Variants in CCDC85A observed in about 807,000 individuals in gnomAD.
CCDC85A encodes coiled-coil domain containing 85A.
A neutral mutation model predicts 50.2 loss-of-function variants in CCDC85A; 38 were observed. The observed-to-expected ratio is 0.76, with a 90% CI of 0.58 to 0.99. The LOEUF (loss-of-function observed/expected upper bound fraction) is 0.99, where lower values mean the gene tolerates loss of function less well. Among genes scored for constraint, CCDC85A ranks in the 50% least tolerant of loss-of-function variants. The pLI is 0.00. For synonymous variants in CCDC85A, 366 were observed against 301.4 expected (o/e 1.21, Z -2.22); for missense variants, 820 against 742.0 (o/e 1.11, Z -1.22).
At chr2:56,284,777 C>T (rs779632756) in intron 2 of CCDC85A, among the ~76,000 whole-genome samples, 11 of 152,276 alleles carry the variant, frequency 7.2e-5, no homozygotes, top group East Asian at 3.9e-4. Flanking sequence ...TTCTTATGCA[C>T]ATAAGTATTT....
At chr2:56,213,194 T>A (rs1340323585) in intron 2 of CCDC85A, among the ~76,000 whole-genome samples, 1 of 151,990 alleles carries the variant, frequency 6.6e-6, no homozygotes, top group African/African-American at 2.4e-5. Context: ...GTGTCAGCTC[T>A]GACAGCTTTC....
Position 56,332,850 on chromosome 2 carries a change from G to A in CCDC85A, c.1241-10029G>A, listed in dbSNP as rs145037722. Among the ~76,000 whole-genome samples, 588 of 152,172 alleles carry A rather than the reference G, an allele frequency of 3.9e-3. 2 individuals carry two copies. The highest frequency in any genetic ancestry group is 9.2e-3 in the African/African-American group (382 of 41,510). On this transcript the variant is annotated intron_variant, in intron 2 of 5. Transcript: ENST00000407595. ...ATGTTCCATAGAGTGACTTTCAAAC[G>A]TCATTACAGAATTGGAATTAGGCCC... is the stretch of plus-strand genomic sequence containing the variant.
At chr2:56,382,381 G>C (rs1038443317) in intron 5 of CCDC85A, among the ~76,000 whole-genome samples, 8 of 150,856 alleles carry the variant, frequency 5.3e-5, no homozygotes, top group African/African-American at 2.0e-4. Flanking sequence ...ATTAGATGTT[G>C]TTGACATCTA....
intron 2 of CCDC85A, among the ~76,000 whole-genome samples, chr2:56,254,394 A>C (rs1402033314): frequency 6.6e-6 from 1 of 152,184 alleles, no homozygotes; most frequent in African/African-American, 2.4e-5. Context: ...ATCCTGAAAC[A>C]ATTAAATAGA....
chr2:56,257,575 G>A (rs1468388445), intron 2 of CCDC85A, among the ~76,000 whole-genome samples: 4 of 152,100 alleles, frequency 2.6e-5, no homozygotes, highest in African/African-American at 9.7e-5. Flanking sequence ...AAAACATCTG[G>A]GAGGAAGGTA....
At chr2:56,338,459 T>A (rs965771806) in intron 2 of CCDC85A, among the ~76,000 whole-genome samples, 62 of 152,134 alleles carry the variant, frequency 4.1e-4, no homozygotes, top group Admixed American at 2.0e-4. Context: ...GTGGTCAATG[T>A]GTTCCAGTAC....
At chr2:56,270,259 A>G (rs1670639918) in intron 2 of CCDC85A, among the ~76,000 whole-genome samples, 1 of 152,214 alleles carries the variant, frequency 6.6e-6, no homozygotes, top group Non-Finnish European at 1.5e-5. Context: ...AATTTAAAAA[A>G]TGTTATTTAT....
chr2:56,378,862 T>A (rs1279687762), intron 5 of CCDC85A, among the ~76,000 whole-genome samples: 2 of 152,210 alleles, frequency 1.3e-5, no homozygotes, highest in Admixed American at 1.3e-4. Flanking sequence ...TTGGTGTGGA[T>A]TCTATAGGAA....
At chr2:56,217,141 GTTTAAGT>G (rs575742836) in intron 2 of CCDC85A, among the ~76,000 whole-genome samples, 195 of 152,034 alleles carry the variant, frequency 1.3e-3, no homozygotes, top group Non-Finnish European at 2.4e-3. Context: ...GTAAAAAAAG[GTTTAAGT>G]TTTATCTATC....
intron 3 of CCDC85A, among the ~76,000 whole-genome samples, chr2:56,356,481 A>T (rs1040728963): frequency 1.3e-5 from 2 of 152,186 alleles, no homozygotes; most frequent in Admixed American, 1.3e-4. Flanking sequence ...ATTGAAAAAG[A>T]CTTTGGCTGT....
At chr2:56,242,578 C>G (rs1371160905) in intron 2 of CCDC85A, among the ~76,000 whole-genome samples, 1 of 152,130 alleles carries the variant, frequency 6.6e-6, no homozygotes, top group Non-Finnish European at 1.5e-5. Flanking sequence ...GGATCTGCCC[C>G]ATGAGCCAAA....
chr2:56,274,216 T>A (rs1314466580), intron 2 of CCDC85A, among the ~76,000 whole-genome samples: 1 of 152,174 alleles, frequency 6.6e-6, no homozygotes, highest in African/African-American at 2.4e-5. Flanking sequence ...TCTTTTATAC[T>A]GTTCTGCTTA....
intron 2 of CCDC85A, among the ~76,000 whole-genome samples, chr2:56,233,875 G>T (rs955249229): frequency 6.6e-6 from 1 of 152,084 alleles, no homozygotes; most frequent in Non-Finnish European, 1.5e-5. Flanking sequence ...GTTGAGTCCT[G>T]TTTTGCAGTC....
At chr2:56,325,217 A>G (rs1172425694) in intron 2 of CCDC85A, among the ~76,000 whole-genome samples, 1 of 152,096 alleles carries the variant, frequency 6.6e-6, no homozygotes, top group Non-Finnish European at 1.5e-5. Context: ...GCATGAATTT[A>G]AAATTTCCTT....
intron 2 of CCDC85A, among the ~76,000 whole-genome samples, chr2:56,251,191 AC>A (rs1669740086): frequency 6.6e-6 from 1 of 152,048 alleles, no homozygotes. Flanking sequence ...GTCGCTTTAG[AC>A]CTTTCTTAAG....
At chr2:56,190,733 C>T (rs978958666) in intron 1 of CCDC85A, among the ~76,000 whole-genome samples, 1 of 152,138 alleles carries the variant, frequency 6.6e-6, no homozygotes. Flanking sequence ...TCCACTGCTA[C>T]CACACGTCCA....
At chr2:56,204,138 T>G (rs964029502) in intron 2 of CCDC85A, among the ~76,000 whole-genome samples, 2 of 152,216 alleles carry the variant, frequency 1.3e-5, no homozygotes, top group African/African-American at 4.8e-5. Flanking sequence ...AATTGCCAAC[T>G]TTTTACTTCA....
At chr2:56,373,347 C>T (rs1290622070) in intron 4 of CCDC85A, among the ~76,000 whole-genome samples, 1 of 151,184 alleles carries the variant, frequency 6.6e-6, no homozygotes, top group Non-Finnish European at 1.5e-5. Context: ...TATTGTAGCC[C>T]CCATCCCATT....
At chr2:56,226,461 A>G (rs1468462851) in intron 2 of CCDC85A, among the ~76,000 whole-genome samples, 1 of 152,196 alleles carries the variant, frequency 6.6e-6, no homozygotes, top group East Asian at 1.9e-4. Flanking sequence ...TCCAGCACTT[A>G]GTAAGCATTT....
Sources: gnomAD v4.1 joint callset for allele counts (sites outside exome capture counted in the v4.1 genomes callset) on GRCh38, gnomAD v4.1.1 for gene constraint, MANE v1.5 for transcripts, NCBI Gene and HGNC (gene_info 2026-07-23, HGNC 2026-07-21) for gene names.